The following NAALADL2 variants were observed in gnomAD, a reference collection of about 807,000 sequenced individuals.
NAALADL2 encodes the protein inactive N-acetylated-alpha-linked acidic dipeptidase-like protein 2.
A neutral mutation model predicts 87.2 loss-of-function variants in NAALADL2; 76 were observed. The ratio of observed to expected loss-of-function variants is 0.87; its 90% CI spans 0.72 to 1.05. The LOEUF is 1.05. Ranked by LOEUF, NAALADL2 falls within the 50% of genes least tolerant of loss-of-function variation. The probability of loss-of-function intolerance (pLI) is 0.00; values close to 1 mark genes in which losing one functional copy is unlikely to be tolerated. For synonymous variants in NAALADL2, 354 were observed against 331.0 expected (o/e 1.07, Z -0.75); for missense variants, 1,089 against 945.8 (o/e 1.15, Z -1.99).
chr3:175,353,860 T>A (rs1207201446), intron 5 of NAALADL2, among the ~76,000 whole-genome samples: 1 of 152,202 alleles, frequency 6.6e-6, no homozygotes, highest in African/African-American at 2.4e-5. Flanking sequence ...AAACTAAAAC[T>A]ACCAAAGGTG....
Position 175,561,401 on chromosome 3 carries a change from A to C in NAALADL2, c.1654-14640A>C, listed in dbSNP as rs1415603012. On this transcript the variant is annotated intron_variant, in intron 9 of 13. Transcript: ENST00000454872. ...TCTGTACATGTTCAGTATAGGCAGA[A>C]TATTTTTTCAAATATTTTTATTGAA... 3.9e-5 allele frequency among the ~76,000 whole-genome samples: 6 copies of C among 152,318 alleles called. No homozygotes were observed. In the East Asian group the frequency reaches 7.7e-4, roughly 20 times the overall value.
intron 1 of NAALADL2, among the ~76,000 whole-genome samples, chr3:174,987,288 G>A (rs907114015): frequency 3.3e-5 from 5 of 151,810 alleles, no homozygotes; most frequent in Admixed American, 1.3e-4. Flanking sequence ...ACCAATACTC[G>A]GCCGGGCGCG....
At chr3:175,110,994 T>G (rs1724096642) in intron 2 of NAALADL2, among the ~76,000 whole-genome samples, 2 of 151,658 alleles carry the variant, frequency 1.3e-5, no homozygotes. Flanking sequence ...ATCACAACAT[T>G]ACTCTAGTGT....
intron 10 of NAALADL2, among the ~76,000 whole-genome samples, chr3:175,591,800 ATATATATATAT>A (rs1158522647): frequency 5.3e-5 from 1 of 19,016 alleles, no homozygotes; most frequent in African/African-American, 7.7e-5. Context: ...ATATATATAT[ATATATATATAT>A]ATATATATAT....
At chr3:174,838,805 T>A (rs776569046) in intron 3 of NAALADL2, among the ~76,000 whole-genome samples, 8 of 152,064 alleles carry the variant, frequency 5.3e-5, no homozygotes, top group Non-Finnish European at 1.0e-4. Context: ...GTGAAAAACC[T>A]CTACAAAGGA....
intron 1 of NAALADL2, among the ~76,000 whole-genome samples, chr3:174,913,759 TG>T (rs1425484286): frequency 2.6e-5 from 4 of 152,188 alleles, no homozygotes; most frequent in Non-Finnish European, 5.9e-5. Context: ...CTATATCTGC[TG>T]ATCAAGTTAA....
At chr3:175,350,314 A>G (rs1763625855) in intron 5 of NAALADL2, among the ~76,000 whole-genome samples, 1 of 152,304 alleles carries the variant, frequency 6.6e-6, no homozygotes, top group East Asian at 1.9e-4. Context: ...AATAAATTCC[A>G]ACTTAAGTCC....
chr3:175,280,058 AC>A (rs1754095176), intron 4 of NAALADL2, among the ~76,000 whole-genome samples: 1 of 151,650 alleles, frequency 6.6e-6, no homozygotes, highest in African/African-American at 2.4e-5. Context: ...TTTTAAATAT[AC>A]CCTTGGATTT....
intron 13 of NAALADL2, among the ~76,000 whole-genome samples, chr3:175,782,635 T>A (rs561635117): frequency 7.2e-6 from 1 of 138,552 alleles, no homozygotes; most frequent in East Asian, 2.1e-4. Flanking sequence ...GTTGCGAAAA[T>A]TTTCTCCCAT....
chr3:175,102,793 T>C lies in NAALADL2; in HGVS notation c.545+5502T>C, dbSNP rs547255997. On this transcript the variant is annotated intron_variant, in intron 2 of 13. Coordinates refer to ENST00000454872, the MANE Select transcript of NAALADL2 (RefSeq NM_207015.3). ...AGACCATATTTTCTTAGCTGAGGGT[T>C]AACTCTTCAAAACATTTAGAAAATG... is the stretch of plus-strand genomic sequence containing the variant. Among the ~76,000 whole-genome samples the C allele has an allele frequency of 3.9e-5, 6 of 152,272 alleles. No homozygotes were observed. In the South Asian group the frequency reaches 1.2e-3, roughly 32 times the overall value.
intron 1 of NAALADL2, among the ~76,000 whole-genome samples, chr3:174,899,878 TA>T (rs11391562): frequency 1.4e-4 from 20 of 147,540 alleles, no homozygotes; most frequent in East Asian, 3.9e-4. Context: ...GTCCTGACAG[TA>T]AAAAAAAAAG....
intron 1 of NAALADL2, among the ~76,000 whole-genome samples, chr3:174,866,748 T>C (rs1727195001): frequency 3.3e-5 from 5 of 151,712 alleles, no homozygotes. Context: ...TCAGATGCAA[T>C]GAAGTAATGA....
chr3:175,588,148 A>G (rs1720816283), intron 10 of NAALADL2, among the ~76,000 whole-genome samples: 4 of 152,136 alleles, frequency 2.6e-5, no homozygotes. Flanking sequence ...AAAAGACAGT[A>G]ACGCCTGGTA....
chr3:175,382,851 T>A (rs888003712), intron 5 of NAALADL2, among the ~76,000 whole-genome samples: 1 of 151,966 alleles, frequency 6.6e-6, no homozygotes, highest in African/African-American at 2.4e-5. Flanking sequence ...TTTAAAAAAA[T>A]AAGAGGAATG....
At chr3:175,289,608 A>C (rs1453984668) in intron 4 of NAALADL2, among the ~76,000 whole-genome samples, 1 of 152,044 alleles carries the variant, frequency 6.6e-6, no homozygotes, top group Non-Finnish European at 1.5e-5. Flanking sequence ...CCCCCAAAAA[A>C]ATAAAAATAA....
chr3:175,660,269 C>T (rs193026820), intron 11 of NAALADL2, among the ~76,000 whole-genome samples: 1 of 152,254 alleles, frequency 6.6e-6, no homozygotes, highest in East Asian at 1.9e-4. Flanking sequence ...TATAGCACCA[C>T]TTAAGATAAA....
At chr3:174,713,767 G>A (rs1368935644) in intron 2 of NAALADL2, among the ~76,000 whole-genome samples, 1 of 151,598 alleles carries the variant, frequency 6.6e-6, no homozygotes, top group Admixed American at 6.6e-5. Context: ...TCACTCTGAT[G>A]GTAGTTTCTT....
intron 9 of NAALADL2, among the ~76,000 whole-genome samples, chr3:175,557,910 C>T (rs1034292608): frequency 6.6e-6 from 1 of 152,060 alleles, no homozygotes; most frequent in South Asian, 2.1e-4. Flanking sequence ...AATGTCTAAT[C>T]AGGGCCGGGC....
intron 3 of NAALADL2, among the ~76,000 whole-genome samples, chr3:174,797,602 A>G (rs1449539835): frequency 1.3e-5 from 2 of 152,046 alleles, no homozygotes; most frequent in African/African-American, 4.8e-5. Flanking sequence ...ACCTGGTAGT[A>G]TAGTTTGAAG....
Sources: gnomAD v4.1 joint callset for allele counts (sites outside exome capture counted in the v4.1 genomes callset) on GRCh38, gnomAD v4.1.1 for gene constraint, MANE v1.5 for transcripts, NCBI Gene and HGNC (gene_info 2026-07-23, HGNC 2026-07-21) for gene names.